PPP1R1C: variants seen among roughly 807,000 people sequenced by gnomAD.
PPP1R1C encodes protein phosphatase 1 regulatory inhibitor subunit 1C, also known as protein phosphatase 1 regulatory subunit 1C.
A neutral mutation model predicts 17.4 loss-of-function variants in PPP1R1C; 15 were observed. The ratio of observed to expected loss-of-function variants is 0.86; its 90% CI spans 0.58 to 1.33. The LOEUF (loss-of-function observed/expected upper bound fraction) is 1.33. PPP1R1C is among the 40% of genes most tolerant of loss of function. The pLI is 0.00. For missense variants in PPP1R1C, 143 were observed against 130.0 expected (o/e 1.10, Z -0.48); for synonymous variants, 35 against 43.1 (o/e 0.81, Z 0.73).
intron 4 of PPP1R1C, among the ~76,000 whole-genome samples, chr2:182,091,548 T>A (rs1224988610): frequency 1.3e-5 from 2 of 152,094 alleles, no homozygotes; most frequent in African/African-American, 4.8e-5. Context: ...ATTTTTTTAT[T>A]TGCTTGCTTA....
chr2:181,980,497 T>G (rs1685172782), intron 2 of PPP1R1C, among the ~76,000 whole-genome samples: 1 of 152,226 alleles, frequency 6.6e-6, no homozygotes, highest in Non-Finnish European at 1.5e-5. Flanking sequence ...TGTGTCCCCA[T>G]GACACTCCTA....
At chr2:182,024,828 C>G (rs1686543709) in intron 2 of PPP1R1C, among the ~76,000 whole-genome samples, 1 of 151,636 alleles carries the variant, frequency 6.6e-6, no homozygotes, top group Admixed American at 6.6e-5. Flanking sequence ...GCACTCCAGC[C>G]TGGGCAACAA....
chr2:182,084,425 A>G (rs1221753312), intron 4 of PPP1R1C, among the ~76,000 whole-genome samples: 2 of 151,950 alleles, frequency 1.3e-5, no homozygotes, highest in East Asian at 1.9e-4. Context: ...CTTTAATCCA[A>G]TTTGAGTTGA....
At chr2:182,116,410 C>A (rs1489148972) in intron 4 of PPP1R1C, among the ~76,000 whole-genome samples, 10 of 151,900 alleles carry the variant, frequency 6.6e-5, no homozygotes, top group Non-Finnish European at 1.5e-4. Flanking sequence ...TTGGGGTAGC[C>A]ATCAGAGAGG....
intron 2 of PPP1R1C, among the ~76,000 whole-genome samples, chr2:182,057,064 T>C (rs1172292765): frequency 5.3e-5 from 8 of 152,328 alleles, no homozygotes; most frequent in African/African-American, 1.7e-4. Flanking sequence ...GCACTACTAT[T>C]GTAATTTGGA....
intron 2 of PPP1R1C, among the ~76,000 whole-genome samples, chr2:182,059,406 C>T (rs942320090): frequency 6.6e-6 from 1 of 151,432 alleles, no homozygotes; most frequent in Non-Finnish European, 1.5e-5. Flanking sequence ...TATTTGAAGA[C>T]AGGGGTATAT....
intron 2 of PPP1R1C, among the ~76,000 whole-genome samples, chr2:182,044,117 C>T (rs536704155): frequency 6.6e-6 from 1 of 152,272 alleles, no homozygotes; most frequent in African/African-American, 2.4e-5. Flanking sequence ...CTTCATCATC[C>T]ATCACCTGAA....
chr2:182,044,119 T>C (rs1687271222), intron 2 of PPP1R1C, among the ~76,000 whole-genome samples: 1 of 152,166 alleles, frequency 6.6e-6, no homozygotes, highest in Admixed American at 6.5e-5. Context: ...TCATCATCCA[T>C]CACCTGAATA....
chr2:182,048,194 C>T (rs530151092), intron 2 of PPP1R1C, among the ~76,000 whole-genome samples: 9 of 152,138 alleles, frequency 5.9e-5, no homozygotes, highest in Non-Finnish European at 1.3e-4. Flanking sequence ...TTCCCCTTTC[C>T]AGTGCATATA....
intron 3 of PPP1R1C, 124 bp downstream of exon 3, chr2:182,061,603 A>T (rs985611807): frequency 1.9e-6 from 1 of 522,422 alleles, no homozygotes; most frequent in African/African-American, 2.0e-5. Flanking sequence ...GCTCCTTCTG[A>T]CTGAATAAAC....
intron 2 of PPP1R1C, among the ~76,000 whole-genome samples, chr2:182,031,190 G>A (rs551516915): frequency 6.6e-6 from 1 of 152,322 alleles, no homozygotes; most frequent in South Asian, 2.1e-4. Context: ...GCTCACGCTG[G>A]GAGCTGTAGA....
chr2:181,969,062 C>A (rs978434228), intron 1 of PPP1R1C, among the ~76,000 whole-genome samples: 32 of 152,146 alleles, frequency 2.1e-4, no homozygotes, highest in South Asian at 4.1e-4. Flanking sequence ...TACTTCTTAT[C>A]CTTCCAACTT....
At chr2:182,054,667 GTGTC>G (rs1687628493) in intron 2 of PPP1R1C, among the ~76,000 whole-genome samples, 1 of 151,688 alleles carries the variant, frequency 6.6e-6, no homozygotes, top group Admixed American at 6.6e-5. Context: ...GTGTGTGTGT[GTGTC>G]TTTCTTTTTG....
intron 4 of PPP1R1C, among the ~76,000 whole-genome samples, chr2:182,096,193 G>T (rs912511610): frequency 2.0e-5 from 3 of 152,102 alleles, no homozygotes; most frequent in Non-Finnish European, 4.4e-5. Context: ...GACAAAAAGG[G>T]CTATAATTTA....
chr2:182,090,454 T>C (rs1227135979), intron 4 of PPP1R1C, among the ~76,000 whole-genome samples: 1 of 152,062 alleles, frequency 6.6e-6, no homozygotes, highest in African/African-American at 2.4e-5. Flanking sequence ...CTTAAACAAG[T>C]AGTAAATTAG....
chr2:182,130,938 A>G (rs1267938169), downstream of PPP1R1C: 1 of 152,238 alleles, frequency 6.6e-6, no homozygotes, highest in African/African-American at 2.4e-5. Context: ...CGAGCTACAC[A>G]CTTTTATTGT....
At chr2:182,088,713 G>A (rs539406975) in intron 4 of PPP1R1C, among the ~76,000 whole-genome samples, 9 of 152,134 alleles carry the variant, frequency 5.9e-5, no homozygotes, top group Non-Finnish European at 8.8e-5. Context: ...CAACTACACT[G>A]ACTATTTCTT....
At chr2:182,109,662 A>C (rs934513569) in intron 4 of PPP1R1C, among the ~76,000 whole-genome samples, 6 of 152,180 alleles carry the variant, frequency 3.9e-5, no homozygotes, top group African/African-American at 7.2e-5. Flanking sequence ...CTACATTTAC[A>C]TGAGTCAGTT....
chr2:182,027,672 CT>C (rs1686662241), intron 2 of PPP1R1C, among the ~76,000 whole-genome samples: 1 of 148,718 alleles, frequency 6.7e-6, no homozygotes, highest in Non-Finnish European at 1.5e-5. Context: ...CTAAAATTCT[CT>C]TTTTTGGTTG....
Sources: allele counts gnomAD v4.1 joint callset (sites outside exome capture counted in the v4.1 genomes callset), GRCh38; gene constraint gnomAD v4.1.1; transcripts MANE v1.5; gene names NCBI Gene and HGNC (gene_info 2026-07-23, HGNC 2026-07-21).